Variants in CNTNAP5 observed in about 807,000 individuals in gnomAD.
CNTNAP5 encodes the protein contactin associated protein family member 5, also known as contactin-associated protein-like 5.
Under a neutral mutation model 150.2 loss-of-function variants are expected in CNTNAP5, and 72 were observed. The ratio of observed to expected loss-of-function variants is 0.48; its 90% confidence interval spans 0.40 to 0.58. CNTNAP5 has a LOEUF of 0.58. Ranked by LOEUF, CNTNAP5 falls within the 20% of genes least tolerant of loss-of-function variation. The pLI is 0.00. For synonymous variants in CNTNAP5, 672 were observed against 619.8 expected, an observed-to-expected ratio of 1.08 and a Z score of -1.25; for missense variants, 1,636 against 1,626.2, an observed-to-expected ratio of 1.01 and a Z score of -0.10.
At position 124,389,983 on chromosome 2, in the gene CNTNAP5, T is replaced by G. The variant is rs555426221; in HGVS notation, c.382-27460T>G. 1.2e-4 allele frequency among the ~76,000 whole-genome samples: 13 copies of G among 108,510 alleles called. No individual in the cohort carries two copies. In the East Asian group the frequency reaches 3.9e-3, roughly 33 times the overall value. 71.2% of individuals were successfully genotyped at this position (108,510 alleles called of 152,430 possible). On this transcript the variant is annotated intron_variant, in intron 3 of 23. Coordinates refer to ENST00000682447, the MANE Select transcript of CNTNAP5 (RefSeq NM_001367498.1). ...ATCTCCAAAATAATAATAGTAATAA[T>G]AGTAATAACAATAATAATAATAATT...
intron 7 of CNTNAP5, among the ~76,000 whole-genome samples, chr2:124,481,691 CT>C (rs1693764787): frequency 6.6e-6 from 1 of 151,922 alleles, no homozygotes; most frequent in African/African-American, 2.4e-5. Context: ...GTTTTTAAAA[CT>C]TTTATTAAAA....
intron 1 of CNTNAP5, among the ~76,000 whole-genome samples, chr2:124,202,538 A>G (rs1685753590): frequency 6.6e-6 from 1 of 152,214 alleles, no homozygotes. Flanking sequence ...AAGTCTGCAT[A>G]CGAGCATTGT....
At chr2:124,408,230 C>T in intron 3 of CNTNAP5, among the ~76,000 whole-genome samples, 1 of 152,204 alleles carries the variant, frequency 6.6e-6, no homozygotes, top group Non-Finnish European at 1.5e-5. Context: ...CTCGGAGGGT[C>T]CTACGCCCAC....
At chr2:124,678,824 GC>G (rs766895244) in intron 13 of CNTNAP5, among the ~76,000 whole-genome samples, 6 of 151,920 alleles carry the variant, frequency 3.9e-5, no homozygotes, top group Non-Finnish European at 7.3e-5. Flanking sequence ...TGTTGCTTCT[GC>G]TTCTTCACCA....
intron 3 of CNTNAP5, among the ~76,000 whole-genome samples, chr2:124,311,129 AT>A (rs1293960709): frequency 6.6e-6 from 1 of 151,988 alleles, no homozygotes; most frequent in Non-Finnish European, 1.5e-5. Flanking sequence ...TCTTTGCTTC[AT>A]TTTTTTCTTA....
chr2:124,855,851 A>G (rs1312738649), intron 19 of CNTNAP5, among the ~76,000 whole-genome samples: 1 of 152,104 alleles, frequency 6.6e-6, no homozygotes, highest in Non-Finnish European at 1.5e-5. Context: ...ATAGTCTTTT[A>G]TCCCTCATCC....
At chr2:124,510,303 A>ATATATATATCTATATATCTATC (rs1694539243) in intron 8 of CNTNAP5, among the ~76,000 whole-genome samples, 2 of 127,238 alleles carry the variant, frequency 1.6e-5, no homozygotes, top group Non-Finnish European at 3.2e-5. Flanking sequence ...CTATATATCT[A>ATATATATATCTATATATCTATC]TATATATATC....
rs151195903 is a variant in CNTNAP5 at position 124,237,122 on chromosome 2, T to TCGC, written c.188-5077_188-5076insGCC. Among the ~76,000 whole-genome samples the TCGC allele has an allele frequency of 4.6e-3, 705 of 152,096 alleles. 4 individuals are homozygous for TCGC. Among genetic ancestry groups the TCGC allele is most frequent in the African/African-American group, 0.016 (655 of 41,478 alleles). On this transcript the variant is annotated intron_variant, in intron 2 of 23. Coordinates refer to ENST00000682447, the MANE Select transcript of CNTNAP5 (RefSeq NM_001367498.1). The stretch of plus-strand genomic sequence containing the variant: ...CCAGCCTGGGTGACAGGAGCGAGAC[T>TCGC]CTGTCAAAAGAAAAAAGAAAGAAAA...
intron 13 of CNTNAP5, among the ~76,000 whole-genome samples, chr2:124,673,938 A>G (rs1678874295): frequency 6.6e-6 from 1 of 152,158 alleles, no homozygotes; most frequent in Non-Finnish European, 1.5e-5. Context: ...AGTTGCAAAT[A>G]TCACCACAAT....
At chr2:124,580,325 TAAAC>T (rs373196838) in intron 11 of CNTNAP5, among the ~76,000 whole-genome samples, 2,780 of 152,356 alleles carry the variant, frequency 0.018, 29 homozygotes, top group Middle Eastern at 0.054. Flanking sequence ...AACTATAACC[TAAAC>T]AGAGTTGTAA....
intron 19 of CNTNAP5, among the ~76,000 whole-genome samples, chr2:124,823,972 G>T (rs1262823237): frequency 6.7e-6 from 1 of 148,806 alleles, no homozygotes; most frequent in Admixed American, 6.7e-5. Flanking sequence ...AGGCTGAAGT[G>T]CAATGGCGGG....
rs116345526 is a variant in CNTNAP5 at position 124,762,616 on chromosome 2, T to C, written c.2235-1056T>C. On this transcript the variant is annotated intron_variant, in intron 14 of 23. Transcript: ENST00000682447. ...TGTAGATATTATCTCCATTTTAAAATTGAGCACACTGAAGATCTCAGAAAT... is the reference window on the plus strand; with the variant it reads ...TGTAGATATTATCTCCATTTTAAAACTGAGCACACTGAAGATCTCAGAAAT... 3.9e-3 allele frequency among the ~76,000 whole-genome samples: 589 copies of C among 152,254 alleles called. 2 individuals carry two copies. Among genetic ancestry groups the C allele is most frequent in the Admixed American group, 7.1e-3 (108 of 15,282 alleles).
At chr2:124,130,537 A>T (rs1683818604) in intron 1 of CNTNAP5, among the ~76,000 whole-genome samples, 2 of 152,068 alleles carry the variant, frequency 1.3e-5, no homozygotes, top group South Asian at 4.1e-4. Flanking sequence ...AAAAGTTTCA[A>T]AAAATGAGGC....
At chr2:124,370,529 T>C (rs569926147) in intron 3 of CNTNAP5, among the ~76,000 whole-genome samples, 1 of 152,292 alleles carries the variant, frequency 6.6e-6, no homozygotes, top group East Asian at 1.9e-4. Context: ...GAGACCATGA[T>C]GTCCTTGAGA....
intron 3 of CNTNAP5, among the ~76,000 whole-genome samples, chr2:124,380,273 A>G (rs1690755069): frequency 6.6e-6 from 1 of 152,144 alleles, no homozygotes; most frequent in Non-Finnish European, 1.5e-5. Context: ...GAAAACTGAG[A>G]ATTTCCATGA....
At position 124,516,167 on chromosome 2, in the gene CNTNAP5, A is replaced by T. The variant is rs181853547; in HGVS notation, c.1328-8136A>T. Among the ~76,000 whole-genome samples, 167 of 152,356 alleles carry T rather than the reference A, an allele frequency of 1.1e-3. 1 individual carries two copies. Among genetic ancestry groups the T allele is most frequent in the Non-Finnish European group, 2.6e-4 (18 of 68,034 alleles). On this transcript the variant is annotated intron_variant, in intron 8 of 23. Coordinates refer to ENST00000682447, the MANE Select transcript of CNTNAP5 (RefSeq NM_001367498.1). ...ATAGCTGATGGATAAACAGTGTGCC[A>T]GGAAAACATAACTCAGGCTCTAAAT...
chr2:124,348,588 G>A (rs1689796411), intron 3 of CNTNAP5, among the ~76,000 whole-genome samples: 1 of 152,140 alleles, frequency 6.6e-6, no homozygotes, highest in South Asian at 2.1e-4. Context: ...ATGCAGACAT[G>A]TAGAAAGAAG....
intron 3 of CNTNAP5, among the ~76,000 whole-genome samples, chr2:124,336,022 A>G (rs1218655118): frequency 6.6e-6 from 1 of 151,738 alleles, no homozygotes; most frequent in African/African-American, 2.4e-5. Context: ...AGCTTAAATA[A>G]CTCCCTCCTT....
chr2:124,037,390 C>A (rs971425805), intron 1 of CNTNAP5, among the ~76,000 whole-genome samples: 1 of 152,170 alleles, frequency 6.6e-6, no homozygotes, highest in Non-Finnish European at 1.5e-5. Flanking sequence ...CTCCCATGTT[C>A]ATTGCAGCAT....
Sources: allele counts gnomAD v4.1 joint callset (sites outside exome capture counted in the v4.1 genomes callset), GRCh38; gene constraint gnomAD v4.1.1; transcripts MANE v1.5; gene names NCBI Gene and HGNC (gene_info 2026-07-23, HGNC 2026-07-21).